ARFGEF2: variants seen among roughly 807,000 people sequenced by gnomAD.
ARFGEF2 encodes brefeldin A-inhibited guanine nucleotide-exchange protein 2.
A neutral mutation model predicts 219.9 loss-of-function variants in ARFGEF2; 74 were observed. The observed-to-expected ratio is 0.34, with a 90% confidence interval of 0.28 to 0.41. The LOEUF (loss-of-function observed/expected upper bound fraction) is 0.41, where lower values mean the gene tolerates loss of function less well. Ranked by LOEUF, ARFGEF2 falls within the 10% of genes least tolerant of loss-of-function variation. ARFGEF2 has a pLI of 1.00. For missense variants in ARFGEF2, 1,743 were observed against 2,218.3 expected (o/e 0.79, Z 4.30); for synonymous variants, 733 against 799.2 (o/e 0.92, Z 1.40).
intron 4 of ARFGEF2, 25 bp downstream of exon 4, chr20:48,951,494 G>C (rs758123011): frequency 1.9e-5 from 30 of 1,613,850 alleles, no homozygotes; most frequent in Non-Finnish European, 2.4e-5. Flanking sequence ...TTGCCTGTCT[G>C]GTTTTTAAAT....
chr20:49,014,555 A>C (rs1456040631), intron 30 of ARFGEF2, among the ~76,000 whole-genome samples: 1 of 152,160 alleles, frequency 6.6e-6, no homozygotes, highest in African/African-American at 2.4e-5. Flanking sequence ...GGCAAACACA[A>C]AAAAATTCTT....
chr20:48,963,795 C>T (rs1305870571), intron 6 of ARFGEF2, 35 bp from the exon 7 acceptor site: 4 of 1,596,524 alleles, frequency 2.5e-6, no homozygotes, highest in East Asian at 4.5e-5. Flanking sequence ...CTGAAAATGC[C>T]CACGTGTGTT....
At chr20:48,987,734 C>T (rs1353702329) in intron 16 of ARFGEF2, among the ~76,000 whole-genome samples, 1 of 152,100 alleles carries the variant, frequency 6.6e-6, no homozygotes, top group East Asian at 1.9e-4. Flanking sequence ...TTCTTAGAGT[C>T]TTTTTAAAAA....
rs1252609881 is a variant in ARFGEF2 at position 49,033,557 on chromosome 20, A to C, written c.*358A>C. 3 of 278,416 alleles carry C rather than the reference A, an allele frequency of 1.1e-5. No individual in the cohort carries two copies. Among genetic ancestry groups the C allele is most frequent in the Non-Finnish European group, 2.1e-5 (3 of 141,078 alleles). 17.2% of individuals were successfully genotyped at this position (278,416 alleles called of 1,614,324 possible). On this transcript the variant is annotated 3_prime_UTR_variant, in exon 39 of 39. Coordinates refer to ENST00000371917, the MANE Select transcript of ARFGEF2 (RefSeq NM_006420.3). ...AAGTCACTCTCCTTGAAAATACTGA[A>C]CATAGCTGTATAGGTTTGTGATTAT...
At position 48,994,440 on chromosome 20, in the gene ARFGEF2, C is replaced by T. The variant is rs767297840; in HGVS notation, c.2974-11C>T. On this transcript the variant is annotated splice_polypyrimidine_tract_variant and intron_variant, in intron 21 of 38. Coordinates refer to ENST00000371917, the MANE Select transcript of ARFGEF2 (RefSeq NM_006420.3). ...GTAGGAACTCATTTCTTCATGCCTT[C>T]TTTCTCTTAGATCTTGAAATGCATC... The T allele has an allele frequency of 1.1e-5, 17 of 1,613,934 alleles. No homozygotes were observed. The highest frequency in any genetic ancestry group is 1.3e-5 in the Non-Finnish European group (15 of 1,180,026).
At chr20:48,988,763 A>C (rs937801216) in intron 18 of ARFGEF2, 101 bp downstream of exon 18, 7 of 1,048,266 alleles carry the variant, frequency 6.7e-6, no homozygotes, top group Non-Finnish European at 1.0e-5. Context: ...GCATAGCTGG[A>C]TATCTGAATA....
At chr20:49,011,095 T>C (rs2043764290) in intron 27 of ARFGEF2, among the ~76,000 whole-genome samples, 1 of 152,214 alleles carries the variant, frequency 6.6e-6, no homozygotes, top group African/African-American at 2.4e-5. Context: ...ATGTGTCTTA[T>C]GGAAAAAATA....
At chr20:48,941,310 G>C in intron 2 of ARFGEF2, 81 bp downstream of exon 2, 1 of 1,436,870 alleles carries the variant, frequency 7.0e-7, no homozygotes, top group Non-Finnish European at 9.7e-7. Flanking sequence ...TTCTCTGCTT[G>C]GTTTCTCATA....
At chr20:48,938,075 G>A (rs530128456) in intron 1 of ARFGEF2, among the ~76,000 whole-genome samples, 1 of 152,322 alleles carries the variant, frequency 6.6e-6, no homozygotes, top group Admixed American at 6.5e-5. Flanking sequence ...AGACTCTGGA[G>A]CCTGATTTTC....
chr20:48,995,727 G>T lies in ARFGEF2; in HGVS notation c.3122-56G>T, dbSNP rs905694804. 1.2e-4 allele frequency: 183 copies of T among 1,470,698 alleles called. 1 individual carries two copies. In the African/African-American group the frequency reaches 2.3e-3, roughly 19 times the overall value. 91.1% of individuals were successfully genotyped at this position (1,470,698 alleles called of 1,614,324 possible). On this transcript the variant is annotated intron_variant, in intron 22 of 38. Coordinates refer to ENST00000371917, the MANE Select transcript of ARFGEF2 (RefSeq NM_006420.3). Reference sequence around the variant, plus strand: ...GCGTGTTGACATAACAGGATGCTTTGTTCTAAATACTTGACTGTTTTTGAA... The same window carrying T: ...GCGTGTTGACATAACAGGATGCTTTTTTCTAAATACTTGACTGTTTTTGAA...
In ARFGEF2 at chr20:48,943,298, TATAA is replaced by T. The variant is rs2091005591; in HGVS notation, c.276+1318_276+1321del. ...AGCCCCAGACGTATTGATTTGGGCT[TATAA>T]ATAAATTTTAGTGAGTAGGTGCATT... On this transcript the variant is annotated intron_variant, in intron 3 of 38. Transcript: ENST00000371917. Among the ~76,000 whole-genome samples, 5 of 152,338 alleles carry T rather than the reference TATAA, an allele frequency of 3.3e-5. No homozygotes were observed. The South Asian group carries it at 1.0e-3, about 32-fold the overall frequency.
chr20:49,001,023 T>C (rs2091421652), intron 25 of ARFGEF2, among the ~76,000 whole-genome samples: 1 of 151,970 alleles, frequency 6.6e-6, no homozygotes, highest in Non-Finnish European at 1.5e-5. Flanking sequence ...CAGTGCTGTT[T>C]AAGCACCAGG....
chr20:48,959,567 CTCCCTCCT>C (rs2091131850), intron 6 of ARFGEF2, among the ~76,000 whole-genome samples: 1 of 73,938 alleles, frequency 1.4e-5, no homozygotes, highest in Non-Finnish European at 2.8e-5. Flanking sequence ...CCCTCCCTCC[CTCCCTCCT>C]TCCTTCCCTC....
chr20:49,026,782 C>T (rs1009778848), intron 36 of ARFGEF2, among the ~76,000 whole-genome samples: 70 of 151,992 alleles, frequency 4.6e-4, no homozygotes, highest in African/African-American at 1.6e-3. Context: ...AACAGGGTTT[C>T]ACCATGTTGG....
Position 48,976,153 on chromosome 20 carries a change from G to A in ARFGEF2, c.1912G>A (p.Glu638Lys). The A allele has an allele frequency of 6.2e-7, 1 of 1,614,080 alleles. No individual in the cohort carries two copies. Among genetic ancestry groups the A allele is most frequent in the Non-Finnish European group, 8.5e-7 (1 of 1,180,034 alleles). The change falls in exon 14 of 39, where the codon GAG (glutamate) becomes AAG (lysine). Residue 638 changes from glutamate to lysine, a missense_variant. Glu to Lys is a moderately conservative substitution (Grantham distance 56). This residue lies in a region of ARFGEF2 where 666 missense variants were observed against 955.4 expected (regional missense o/e 0.70). Transcript: ENST00000371917. ...TGTTCAGGATGACCCTGAGCAATTT[G>A]AGGTCATCAAGCAACAAAAAGAAAT... is the stretch of plus-strand genomic sequence containing the variant. ...TTVQDDPEQFEVIKQQKEIIE... is the reference protein window; with the variant it reads ...TTVQDDPEQFKVIKQQKEIIE...
chr20:48,943,564 A>G (rs1242558846), intron 3 of ARFGEF2, among the ~76,000 whole-genome samples: 5 of 152,118 alleles, frequency 3.3e-5, no homozygotes, highest in Non-Finnish European at 7.4e-5. Context: ...CCCAAAGAAC[A>G]TTTATTCTCT....
In ARFGEF2 at chr20:49,033,614, G is replaced by A. The variant is rs979197069; in HGVS notation, c.*415G>A. ...ATATGTTAATAAAACTTCTTGTAACGGCTAACTGCCACCTAAAATATGCTG... is the reference window on the plus strand; with the variant it reads ...ATATGTTAATAAAACTTCTTGTAACAGCTAACTGCCACCTAAAATATGCTG... On this transcript the variant is annotated 3_prime_UTR_variant, in exon 39 of 39. Coordinates refer to ENST00000371917, the MANE Select transcript of ARFGEF2 (RefSeq NM_006420.3). 2.3e-5 allele frequency: 4 copies of A among 174,466 alleles called. No individual in the cohort carries two copies. The highest frequency in any genetic ancestry group is 3.8e-5 in the Non-Finnish European group (3 of 79,986). 10.8% of individuals were successfully genotyped at this position (174,466 alleles called of 1,614,324 possible).
At chr20:48,929,601 G>A (rs928941432) in intron 1 of ARFGEF2, among the ~76,000 whole-genome samples, 4 of 152,196 alleles carry the variant, frequency 2.6e-5, no homozygotes, top group Non-Finnish European at 4.4e-5. Context: ...GGTTCTGCCA[G>A]GGCAGTGAAC....
At chr20:49,002,022 G>C (rs1387333474) in intron 25 of ARFGEF2, among the ~76,000 whole-genome samples, 1 of 152,184 alleles carries the variant, frequency 6.6e-6, no homozygotes, top group Non-Finnish European at 1.5e-5. Context: ...GAGGCAGGCA[G>C]ATCATCTGAG....
Sources: allele counts gnomAD v4.1 joint callset (sites outside exome capture counted in the v4.1 genomes callset), GRCh38; gene constraint gnomAD v4.1.1; regional missense constraint gnomAD v4.1.1; transcripts MANE v1.5; gene names NCBI Gene and HGNC (gene_info 2026-07-23, HGNC 2026-07-21).